The following GPATCH8 variants were observed in gnomAD, a reference collection of about 807,000 sequenced individuals.
The protein encoded by GPATCH8 is G patch domain-containing protein 8.
GPATCH8 carries 18 observed loss-of-function variants against 118.3 expected under a neutral mutation model. That is an observed-to-expected ratio of 0.15 (90% CI 0.11 to 0.23). GPATCH8 has a LOEUF of 0.23. Among genes scored for constraint, GPATCH8 ranks in the 10% least tolerant of loss-of-function variants. The probability of loss-of-function intolerance (pLI) is 1.00; values close to 1 mark genes in which losing one functional copy is unlikely to be tolerated. For missense variants in GPATCH8, 1,631 were observed against 1,873.8 expected (o/e 0.87, Z 2.39); for synonymous variants, 659 against 684.7 (o/e 0.96, Z 0.59).
chr17:44,444,133 T>C (rs1463333870), intron 3 of GPATCH8, among the ~76,000 whole-genome samples: 1 of 152,112 alleles, frequency 6.6e-6, no homozygotes, highest in Non-Finnish European at 1.5e-5. Flanking sequence ...GCAAAAGGCT[T>C]TAGTGAAAGT....
At chr17:44,427,468 A>G (rs1458410516) in intron 5 of GPATCH8, among the ~76,000 whole-genome samples, 1 of 152,132 alleles carries the variant, frequency 6.6e-6, no homozygotes, top group Non-Finnish European at 1.5e-5. Flanking sequence ...ATTTACTCCT[A>G]TAACTAAGGT....
In GPATCH8 at chr17:44,466,907, T is replaced by TC. The variant is rs112633719; in HGVS notation, c.121-2364dup. Among the ~76,000 whole-genome samples, 1,198 of 150,070 alleles carry TC rather than the reference T, an allele frequency of 8.0e-3. 8 individuals are homozygous for TC. Among genetic ancestry groups the TC allele is most frequent in the Middle Eastern group, 0.017 (5 of 288 alleles). ...AAACAATGCTGACAAAAATTGTTGC[T>TC]CCCCCCCCCTCCATTTTGTTGTTGT... On this transcript the variant is annotated intron_variant, in intron 2 of 7. Transcript: ENST00000591680.
At chr17:44,493,061 T>TTTTTTTTG (rs1555649580) in intron 1 of GPATCH8, among the ~76,000 whole-genome samples, 4 of 149,338 alleles carry the variant, frequency 2.7e-5, no homozygotes, top group Non-Finnish European at 6.0e-5. Flanking sequence ...TAGGTTTTTT[T>TTTTTTTTG]TTTTTTTTTT....
chr17:44,445,743 T>C (rs1386372955), intron 3 of GPATCH8: 2 of 152,202 alleles, frequency 1.3e-5, no homozygotes, highest in Non-Finnish European at 2.9e-5. Context: ...TGACTTCAGG[T>C]GATCCACCCA....
chr17:44,435,435 T>A (rs182332047), intron 4 of GPATCH8, among the ~76,000 whole-genome samples: 103 of 105,220 alleles, frequency 9.8e-4, no homozygotes, highest in Non-Finnish European at 1.7e-3. Flanking sequence ...TTTTTTGAGA[T>A]GGAGTTTCAC....
At chr17:44,416,042 G>A (rs2049667622) in intron 6 of GPATCH8, among the ~76,000 whole-genome samples, 1 of 152,194 alleles carries the variant, frequency 6.6e-6, no homozygotes, top group East Asian at 1.9e-4. Context: ...TCACTCTGTT[G>A]CCCAGGCTGG....
intron 1 of GPATCH8, among the ~76,000 whole-genome samples, chr17:44,499,588 T>C (rs1459442874): frequency 1.3e-5 from 2 of 152,218 alleles, no homozygotes; most frequent in East Asian, 3.8e-4. Context: ...TCACCAATAA[T>C]AGCTGCGCAA....
At chr17:44,495,062 C>T (rs1422042362) in intron 1 of GPATCH8, among the ~76,000 whole-genome samples, 1 of 152,140 alleles carries the variant, frequency 6.6e-6, no homozygotes, top group African/African-American at 2.4e-5. Flanking sequence ...CAGGCCAACA[C>T]GGTGGCTCAC....
intron 6 of GPATCH8, among the ~76,000 whole-genome samples, chr17:44,414,512 T>C (rs1257419398): frequency 2.0e-5 from 3 of 152,206 alleles, no homozygotes; most frequent in Non-Finnish European, 4.4e-5. Context: ...TCTCCATATG[T>C]TGCCCAGGAT....
At chr17:44,426,403 G>T (rs759672769) in intron 5 of GPATCH8, among the ~76,000 whole-genome samples, 2 of 152,118 alleles carry the variant, frequency 1.3e-5, no homozygotes, top group Non-Finnish European at 2.9e-5. Context: ...AGGAGTTCAA[G>T]ACCAGCCTGG....
At chr17:44,436,892 T>A (rs1263871002) in intron 3 of GPATCH8, 1 of 280,436 alleles carries the variant, frequency 3.6e-6, no homozygotes, top group African/African-American at 2.2e-5. Flanking sequence ...TCCCATCAAG[T>A]ATCACTTTAC....
intron 3 of GPATCH8, among the ~76,000 whole-genome samples, chr17:44,463,397 T>C (rs541203251): frequency 9.2e-5 from 14 of 152,338 alleles, no homozygotes; most frequent in Non-Finnish European, 1.6e-4. Flanking sequence ...ATTTTTTTCT[T>C]TTCTTTTGAG....
chr17:44,490,677 A>AT (rs1002810212), intron 1 of GPATCH8, among the ~76,000 whole-genome samples: 18 of 151,942 alleles, frequency 1.2e-4, no homozygotes, highest in South Asian at 4.2e-4. Flanking sequence ...AAAGTATTAG[A>AT]TTTTAAATTA....
At chr17:44,480,388 T>C (rs1968129503) in intron 1 of GPATCH8, among the ~76,000 whole-genome samples, 1 of 151,552 alleles carries the variant, frequency 6.6e-6, no homozygotes, top group South Asian at 2.1e-4. Context: ...AAGACCAGCC[T>C]GGCCAACATG....
chr17:44,421,184 T>C (rs1371666447), intron 6 of GPATCH8, among the ~76,000 whole-genome samples: 2 of 151,686 alleles, frequency 1.3e-5, no homozygotes, highest in East Asian at 4.0e-4. Context: ...TTTTTTTCTT[T>C]ACAAAAATTA....
chr17:44,451,179 C>A (rs1053676907), intron 3 of GPATCH8, among the ~76,000 whole-genome samples: 18 of 152,080 alleles, frequency 1.2e-4, no homozygotes, highest in Admixed American at 1.0e-3. Context: ...CTGTAACCTC[C>A]GCCTCCTGAG....
Position 44,406,059 on chromosome 17 carries a change from AAAAG to A in GPATCH8, c.493-12_493-9del. Reference sequence around the variant, plus strand: ...CTTCAGATCTTTTAATCTCTGGGTTAAAAGAAAGAAAGATACAGAGGGTGGATGA... The same window carrying A: ...CTTCAGATCTTTTAATCTCTGGGTTAAAAGAAAGATACAGAGGGTGGATGA... On this transcript the variant is annotated splice_polypyrimidine_tract_variant and intron_variant, in intron 6 of 7. Coordinates refer to ENST00000591680, the MANE Select transcript of GPATCH8 (RefSeq NM_001002909.4). 3.8e-6 allele frequency: 6 copies of A among 1,595,872 alleles called. No individual in the cohort carries two copies. Among genetic ancestry groups the A allele is most frequent in the Non-Finnish European group, 4.3e-6 (5 of 1,163,566 alleles).
intron 5 of GPATCH8, among the ~76,000 whole-genome samples, chr17:44,432,045 G>T (rs62081225): frequency 6.7e-6 from 1 of 148,914 alleles, no homozygotes; most frequent in African/African-American, 2.5e-5. Context: ...AAATCAGAGT[G>T]GGTTTTTTTT....
Position 44,396,392 on chromosome 17 carries a change from A to T in GPATCH8, c.*1176T>A. Reference sequence around the variant, plus strand: ...AGCATCCCTCAGAAGCCCCCAGCTGACTGCTGCCCATTAGCTCAAAAATCC... The same window carrying T: ...AGCATCCCTCAGAAGCCCCCAGCTGTCTGCTGCCCATTAGCTCAAAAATCC... On this transcript the variant is annotated 3_prime_UTR_variant, in exon 8 of 8. Coordinates refer to ENST00000591680, the MANE Select transcript of GPATCH8 (RefSeq NM_001002909.4). The T allele has an allele frequency of 1.3e-5, 6 of 454,480 alleles. No homozygotes were observed. Among genetic ancestry groups the T allele is most frequent in the Non-Finnish European group, 2.2e-5 (5 of 226,796 alleles). The allele number at this position is 454,480 out of a possible 1,614,324, so 28.2% of individuals were successfully genotyped here.
Sources: allele counts gnomAD v4.1 joint callset (sites outside exome capture counted in the v4.1 genomes callset), GRCh38; gene constraint gnomAD v4.1.1; transcripts MANE v1.5; gene names NCBI Gene and HGNC (gene_info 2026-07-23, HGNC 2026-07-21).